The following SPATS2 variants were observed in gnomAD, a reference collection of about 807,000 sequenced individuals.
SPATS2 encodes spermatogenesis associated serine rich 2, also known as spermatogenesis-associated serine-rich protein 2.
In SPATS2, 38 loss-of-function variants were observed where a neutral mutation model predicts 63.7. That is an observed-to-expected ratio of 0.60 (90% confidence interval 0.46 to 0.78). SPATS2 has a LOEUF of 0.78. SPATS2 is among the 30% of genes least tolerant of loss of function. The pLI is 0.00. For synonymous variants in SPATS2, 207 were observed against 232.9 expected (o/e 0.89, Z 1.01); for missense variants, 588 against 666.2 (o/e 0.88, Z 1.29).
At chr12:49,504,775 T>TTC in intron 9 of SPATS2, among the ~76,000 whole-genome samples, 6 of 146,374 alleles carry the variant, frequency 4.1e-5, no homozygotes, top group African/African-American at 7.6e-5. Flanking sequence ...TCTTTCTTTT[T>TTC]TTTTTTTTTT....
At chr12:49,427,421 T>C (rs950572876) in intron 2 of SPATS2, among the ~76,000 whole-genome samples, 1 of 152,338 alleles carries the variant, frequency 6.6e-6, no homozygotes. Flanking sequence ...CATCACAGTT[T>C]ATTCTCTTGT....
At chr12:49,412,880 T>G (rs1444303609) in intron 2 of SPATS2, among the ~76,000 whole-genome samples, 1 of 152,228 alleles carries the variant, frequency 6.6e-6, no homozygotes, top group Non-Finnish European at 1.5e-5. Context: ...TGTAATTGGA[T>G]AAATGTTAAA....
chr12:49,394,977 G>T (rs1944483639), intron 2 of SPATS2, among the ~76,000 whole-genome samples: 1 of 151,986 alleles, frequency 6.6e-6, no homozygotes, highest in South Asian at 2.1e-4. Context: ...GGAGACTGAG[G>T]CAGGAGAATC....
chr12:49,378,603 AT>A (rs1363375363), intron 2 of SPATS2, among the ~76,000 whole-genome samples: 8 of 147,392 alleles, frequency 5.4e-5, no homozygotes, highest in Admixed American at 1.4e-4. Flanking sequence ...GGCCAATTTT[AT>A]TTTTTTTTTG....
chr12:49,501,510 G>A (rs1177449446), intron 9 of SPATS2, among the ~76,000 whole-genome samples: 1 of 152,326 alleles, frequency 6.6e-6, no homozygotes, highest in East Asian at 1.9e-4. Context: ...CAACACACGA[G>A]CTTTGGGGAT....
chr12:49,513,784 C>T (rs1371598181), intron 9 of SPATS2, among the ~76,000 whole-genome samples: 2 of 152,000 alleles, frequency 1.3e-5, no homozygotes, highest in African/African-American at 4.8e-5. Flanking sequence ...TTTACTATGC[C>T]CTAGTGGGGA....
chr12:49,443,758 A>G (rs985278879), intron 2 of SPATS2, among the ~76,000 whole-genome samples: 4 of 152,160 alleles, frequency 2.6e-5, no homozygotes, highest in Non-Finnish European at 5.9e-5. Flanking sequence ...TCCCTATTGA[A>G]TATCTCTAGT....
intron 8 of SPATS2, among the ~76,000 whole-genome samples, chr12:49,497,602 G>A (rs1946485553): frequency 6.6e-6 from 1 of 152,124 alleles, no homozygotes; most frequent in South Asian, 2.1e-4. Context: ...CGCCGTGTTA[G>A]CCAGGATGGT....
rs1056096155 is a variant in SPATS2, at chr12:49,508,835, G to A, written c.840-5720G>A. On this transcript the variant is annotated intron_variant, in intron 9 of 13. Coordinates refer to ENST00000552918, the MANE Select transcript of SPATS2 (RefSeq NM_023071.4). Reference sequence around the variant, plus strand: ...TCTCAGCACTTTGGGAGGCCAAGGCGGGTGGATCATCTGAGGTCAGGAGTT... The same window carrying A: ...TCTCAGCACTTTGGGAGGCCAAGGCAGGTGGATCATCTGAGGTCAGGAGTT... Among the ~76,000 whole-genome samples the A allele has an allele frequency of 2.6e-5, 4 of 151,818 alleles. No individual in the cohort carries two copies. In the East Asian group the frequency reaches 5.8e-4, roughly 22 times the overall value.
intron 2 of SPATS2, among the ~76,000 whole-genome samples, chr12:49,376,864 T>A (rs1438723379): frequency 6.6e-6 from 1 of 151,818 alleles, no homozygotes; most frequent in Non-Finnish European, 1.5e-5. Context: ...GATTACAGGC[T>A]CCTGCCACTG....
intron 2 of SPATS2, among the ~76,000 whole-genome samples, chr12:49,453,423 C>T (rs1231712353): frequency 6.6e-6 from 1 of 152,112 alleles, no homozygotes; most frequent in Non-Finnish European, 1.5e-5. Flanking sequence ...CTTTCCTGGA[C>T]TAAATCTGTG....
chr12:49,420,419 C>A (rs916112960), intron 2 of SPATS2, among the ~76,000 whole-genome samples: 8 of 151,970 alleles, frequency 5.3e-5, no homozygotes, highest in Non-Finnish European at 1.2e-4. Flanking sequence ...CATGGGGAAA[C>A]CCCATTTCTC....
At chr12:49,446,001 C>T (rs1592403759) in intron 2 of SPATS2, among the ~76,000 whole-genome samples, 2 of 151,998 alleles carry the variant, frequency 1.3e-5, no homozygotes, top group African/African-American at 2.4e-5. Context: ...GCCTCCTGGG[C>T]TCAAGTGATT....
At chr12:49,452,843 A>C (rs7133398) in intron 2 of SPATS2, among the ~76,000 whole-genome samples, 53,529 of 151,402 alleles carry the variant, frequency 0.35, 13,298 homozygotes, top group African/African-American at 0.71. Flanking sequence ...GCATTGTTCT[A>C]CTATTTTTTT....
At chr12:49,455,163 G>T (rs766942283) in intron 2 of SPATS2, among the ~76,000 whole-genome samples, 1 of 151,906 alleles carries the variant, frequency 6.6e-6, no homozygotes, top group Non-Finnish European at 1.5e-5. Flanking sequence ...TATCCTTCTG[G>T]TCAGTTAGCG....
intron 8 of SPATS2, among the ~76,000 whole-genome samples, chr12:49,497,647 G>T (rs138611229): frequency 0.016 from 2,427 of 152,130 alleles, 30 homozygotes; most frequent in East Asian, 0.051. Flanking sequence ...GCCTGTCTCG[G>T]CCTCCCAAAG....
chr12:49,454,618 C>T (rs1023862891), intron 2 of SPATS2, among the ~76,000 whole-genome samples: 1 of 152,198 alleles, frequency 6.6e-6, no homozygotes, highest in African/African-American at 2.4e-5. Context: ...CGTGGTGGCT[C>T]ATGCCTGTCA....
chr12:49,501,317 A>C lies in SPATS2; in HGVS notation c.839+1112A>C, dbSNP rs528777577. On this transcript the variant is annotated intron_variant, in intron 9 of 13. Transcript: ENST00000552918. ...GGCAAGGACCTTGCTGTGTCATTCC[A>C]TGGCAGATGGCAGAAGGGCAAGGGA... Among the ~76,000 whole-genome samples the C allele has an allele frequency of 5.9e-5, 9 of 152,250 alleles. No homozygotes were observed. In the South Asian group the frequency reaches 1.9e-3, roughly 32 times the overall value.
intron 11 of SPATS2, 61 bp downstream of exon 11, chr12:49,519,243 T>G: frequency 1.5e-6 from 2 of 1,344,876 alleles, no homozygotes; most frequent in African/African-American, 3.0e-5. Context: ...GTAAGAAATT[T>G]TCATAATTCA....
Sources: allele counts gnomAD v4.1 joint callset (sites outside exome capture counted in the v4.1 genomes callset), GRCh38; gene constraint gnomAD v4.1.1; transcripts MANE v1.5; gene names NCBI Gene and HGNC (gene_info 2026-07-23, HGNC 2026-07-21).